ADAM23: variants seen among roughly 807,000 people sequenced by gnomAD.
The protein encoded by ADAM23 is ADAM metallopeptidase domain 23.
ADAM23 carries 33 observed loss-of-function variants against 120.1 expected under a neutral mutation model. The ratio of observed to expected loss-of-function variants is 0.27; its 90% confidence interval spans 0.21 to 0.37. The LOEUF (loss-of-function observed/expected upper bound fraction) is 0.37. Among genes scored for constraint, ADAM23 ranks in the 10% least tolerant of loss-of-function variants. ADAM23 has a pLI of 1.00. For missense variants in ADAM23, 862 were observed against 1,058.2 expected, an observed-to-expected ratio of 0.81 and a Z score of 2.57; for synonymous variants, 367 against 375.2, an observed-to-expected ratio of 0.98 and a Z score of 0.25.
intron 4 of ADAM23, 104 bp downstream of exon 4, chr2:206,531,052 T>A (rs1697051332): frequency 5.0e-6 from 4 of 794,162 alleles, no homozygotes. Context: ...TAAAATCACC[T>A]GTGCTCTTTT....
chr2:206,533,368 A>AT (rs1039842306), intron 4 of ADAM23, among the ~76,000 whole-genome samples: 3 of 151,572 alleles, frequency 2.0e-5, no homozygotes, highest in Admixed American at 6.6e-5. Context: ...TGCCCAAATA[A>AT]TTTTTTTTGT....
At chr2:206,511,449 T>TG (rs1696621040) in intron 3 of ADAM23, among the ~76,000 whole-genome samples, 1 of 152,094 alleles carries the variant, frequency 6.6e-6, no homozygotes, top group South Asian at 2.1e-4. Context: ...GGAGAGCCAG[T>TG]GGGGACAGGG....
chr2:206,453,833 T>G (rs1306665526), intron 2 of ADAM23, among the ~76,000 whole-genome samples: 1 of 152,248 alleles, frequency 6.6e-6, no homozygotes, highest in Non-Finnish European at 1.5e-5. Context: ...AATAAAGTTT[T>G]GTTATATGGG....
At chr2:206,497,869 A>C (rs991121470) in intron 3 of ADAM23, among the ~76,000 whole-genome samples, 4 of 152,176 alleles carry the variant, frequency 2.6e-5, no homozygotes, top group Non-Finnish European at 5.9e-5. Context: ...ACAGACAAAC[A>C]GAGAGCCAAA....
chr2:206,555,517 T>C (rs1232350259), intron 9 of ADAM23, among the ~76,000 whole-genome samples: 1 of 152,172 alleles, frequency 6.6e-6, no homozygotes, highest in Non-Finnish European at 1.5e-5. Context: ...CTTGGCACTC[T>C]CTAATTTACA....
chr2:206,532,689 T>G (rs1017075618), intron 4 of ADAM23, among the ~76,000 whole-genome samples: 4 of 152,128 alleles, frequency 2.6e-5, no homozygotes, highest in Admixed American at 1.3e-4. Context: ...TGTAGCAAAA[T>G]TTTAAATATT....
At chr2:206,549,890 A>G (rs1355474551) in intron 8 of ADAM23, among the ~76,000 whole-genome samples, 1 of 152,116 alleles carries the variant, frequency 6.6e-6, no homozygotes, top group African/African-American at 2.4e-5. Flanking sequence ...AATAAAATAC[A>G]GTTATTTTCT....
At chr2:206,564,976 T>G in intron 13 of ADAM23, 44 bp from the exon 14 acceptor site, 2 of 1,607,552 alleles carry the variant, frequency 1.2e-6, no homozygotes, top group Non-Finnish European at 1.7e-6. Flanking sequence ...TGACTTTCTT[T>G]GTTTCCTTTT....
At chr2:206,457,889 C>T (rs1002803157) in intron 2 of ADAM23, among the ~76,000 whole-genome samples, 2 of 152,140 alleles carry the variant, frequency 1.3e-5, no homozygotes, top group South Asian at 4.1e-4. Context: ...TTAATATACC[C>T]TTTATTTTTT....
chr2:206,565,922 G>GT (rs1456727408), intron 14 of ADAM23, among the ~76,000 whole-genome samples: 1 of 152,106 alleles, frequency 6.6e-6, no homozygotes, highest in Non-Finnish European at 1.5e-5. Context: ...CTGGGGAGGA[G>GT]TGTGGGCATG....
chr2:206,484,176 G>T (rs1180463431), intron 3 of ADAM23, among the ~76,000 whole-genome samples: 1 of 152,182 alleles, frequency 6.6e-6, no homozygotes, highest in African/African-American at 2.4e-5. Context: ...AAGCTGTAGG[G>T]TGTGTGCAGA....
At chr2:206,508,669 AAAAG>A (rs1696554990) in intron 3 of ADAM23, among the ~76,000 whole-genome samples, 1 of 150,818 alleles carries the variant, frequency 6.6e-6, no homozygotes. Context: ...AAAAAAAAAA[AAAAG>A]AAAGAAAAAG....
At chr2:206,545,320 C>T (rs1340097537) in intron 6 of ADAM23, among the ~76,000 whole-genome samples, 1 of 151,716 alleles carries the variant, frequency 6.6e-6, no homozygotes, top group Non-Finnish European at 1.5e-5. Context: ...ACCCTGTCTC[C>T]ACTAAAAATA....
intron 3 of ADAM23, among the ~76,000 whole-genome samples, chr2:206,503,706 C>A (rs1244053596): frequency 6.6e-6 from 1 of 152,024 alleles, no homozygotes; most frequent in East Asian, 1.9e-4. Context: ...ATTACATGAC[C>A]AGTAATAATC....
At chr2:206,515,812 C>T (rs889503347) in intron 3 of ADAM23, among the ~76,000 whole-genome samples, 6 of 151,240 alleles carry the variant, frequency 4.0e-5, no homozygotes, top group Non-Finnish European at 7.4e-5. Flanking sequence ...CTTTTCACCT[C>T]CCACATGTTC....
intron 18 of ADAM23, among the ~76,000 whole-genome samples, chr2:206,577,946 A>G (rs1180441049): frequency 6.6e-6 from 1 of 151,230 alleles, no homozygotes; most frequent in African/African-American, 2.4e-5. Flanking sequence ...CTTTTTAATG[A>G]TTGCCATTCT....
chr2:206,512,609 A>G (rs1696645991), intron 3 of ADAM23, among the ~76,000 whole-genome samples: 1 of 152,202 alleles, frequency 6.6e-6, no homozygotes, highest in Non-Finnish European at 1.5e-5. Flanking sequence ...TAGTCTAACA[A>G]TGTAACGTAT....
chr2:206,611,516 T>G (rs1026124830), intron 25 of ADAM23, among the ~76,000 whole-genome samples: 20 of 152,242 alleles, frequency 1.3e-4, no homozygotes, highest in Non-Finnish European at 2.1e-4. Flanking sequence ...AATGCTTCCT[T>G]GAACTTTTTC....
intron 25 of ADAM23, among the ~76,000 whole-genome samples, chr2:206,613,412 G>T (rs1698873727): frequency 6.6e-6 from 1 of 152,194 alleles, no homozygotes; most frequent in African/African-American, 2.4e-5. Flanking sequence ...GGTATGATTA[G>T]TCGTAGAGTC....
Sources: gnomAD v4.1 joint callset for allele counts (sites outside exome capture counted in the v4.1 genomes callset) on GRCh38, gnomAD v4.1.1 for gene constraint, MANE v1.5 for transcripts, NCBI Gene and HGNC (gene_info 2026-07-23, HGNC 2026-07-21) for gene names.